Variants in SRD5A1 observed in about 807,000 individuals in gnomAD.
SRD5A1 encodes steroid 5 alpha-reductase 1.
In SRD5A1, 22 loss-of-function variants were observed where a neutral mutation model predicts 28.2. That is an observed-to-expected ratio of 0.78 (90% CI 0.56 to 1.12). The LOEUF is 1.12. SRD5A1 is among the 50% of genes most tolerant of loss of function. The probability of loss-of-function intolerance (pLI) is 0.00; values close to 1 mark genes in which losing one functional copy is unlikely to be tolerated. For synonymous variants in SRD5A1, 151 were observed against 135.0 expected, an observed-to-expected ratio of 1.12 and a Z score of -0.82; for missense variants, 300 against 346.7, an observed-to-expected ratio of 0.87 and a Z score of 1.07.
At chr5:6,654,421 T>C (rs1379305268) in intron 2 of SRD5A1, among the ~76,000 whole-genome samples, 3 of 143,274 alleles carry the variant, frequency 2.1e-5, no homozygotes, top group Non-Finnish European at 4.5e-5. Flanking sequence ...TATAGAAAGA[T>C]TTTAAGTTTT....
At chr5:6,650,375 C>T (rs1025829822) in intron 1 of SRD5A1, among the ~76,000 whole-genome samples, 15 of 149,978 alleles carry the variant, frequency 1.0e-4, no homozygotes, top group Admixed American at 4.0e-4. Flanking sequence ...TGCCCCACTG[C>T]ACTCTAGCCT....
chr5:6,642,631 A>G (rs1738398747), intron 1 of SRD5A1, among the ~76,000 whole-genome samples: 1 of 152,236 alleles, frequency 6.6e-6, no homozygotes, highest in Non-Finnish European at 1.5e-5. Flanking sequence ...TGACTTTAAC[A>G]CAGTATGAGT....
intron 1 of SRD5A1, among the ~76,000 whole-genome samples, chr5:6,637,577 G>T (rs1346246617): frequency 6.6e-6 from 1 of 152,192 alleles, no homozygotes; most frequent in African/African-American, 2.4e-5. Flanking sequence ...AACCCAGGCT[G>T]CTTTGCTCAT....
chr5:6,673,638 T>C lies in SRD5A1; in HGVS notation c.*5370T>C, dbSNP rs1249230964. On this transcript the variant is annotated 3_prime_UTR_variant, in exon 5 of 5. Coordinates refer to ENST00000274192, the MANE Select transcript of SRD5A1 (RefSeq NM_001047.4). Reference sequence around the variant, plus strand: ...CACAGAAAACCTGCACATGAATGTTTATAGCAGCTTTACTCAAAATTGCCA... The same window carrying C: ...CACAGAAAACCTGCACATGAATGTTCATAGCAGCTTTACTCAAAATTGCCA... 1.3e-5 allele frequency: 2 copies of C among 152,256 alleles called. No homozygotes were observed. The highest frequency in any genetic ancestry group is 2.9e-5 in the Non-Finnish European group (2 of 68,042). 9.4% of individuals were successfully genotyped at this position (152,256 alleles called of 1,614,324 possible).
At chr5:6,657,933 A>G (rs898474999) in intron 3 of SRD5A1, among the ~76,000 whole-genome samples, 12 of 152,274 alleles carry the variant, frequency 7.9e-5, no homozygotes, top group African/African-American at 2.9e-4. Context: ...TGCAGTCATA[A>G]CATTAGGACA....
chr5:6,660,480 A>T (rs778550495), intron 3 of SRD5A1, among the ~76,000 whole-genome samples: 8 of 152,234 alleles, frequency 5.3e-5, no homozygotes, highest in Non-Finnish European at 1.2e-4. Flanking sequence ...CAGGGCTCTG[A>T]TGAAATACAG....
At chr5:6,652,652 A>C (rs758951285) in intron 2 of SRD5A1, among the ~76,000 whole-genome samples, 30 of 152,224 alleles carry the variant, frequency 2.0e-4, no homozygotes, top group Admixed American at 3.3e-4. Flanking sequence ...TGGGCAGATG[A>C]CTTGAATCCA....
chr5:6,659,136 C>T (rs2434527), intron 3 of SRD5A1, among the ~76,000 whole-genome samples: 150,276 of 150,320 alleles, frequency 1, 75,116 homozygotes, highest in Middle Eastern at 1. Context: ...TTTTTTGAGA[C>T]GGGGTCTCGC....
intron 2 of SRD5A1, among the ~76,000 whole-genome samples, chr5:6,652,855 CAG>C (rs1738718463): frequency 8.5e-6 from 1 of 118,340 alleles, no homozygotes; most frequent in Non-Finnish European, 1.6e-5. Context: ...GCCTGGGTGA[CAG>C]AGTGAGACTC....
rs1739056133 is a variant in SRD5A1 at position 6,662,945 on chromosome 5, G to A, written c.692G>A (p.Gly231Asp). 6.2e-7 allele frequency: 1 copy of A among 1,614,064 alleles called. No homozygotes were observed. Among genetic ancestry groups the A allele is most frequent in the African/African-American group, 1.3e-5 (1 of 74,922 alleles). ...TTCTTCACGTTTTGTTTTTTATCTG[G>A]TAGAGCAAAAGAGCATCATGAGTAA... ...FAFFTFCFLS[G>D]RAKEHHEWYL... Residue 231 changes from glycine to aspartate, a missense_variant, in exon 4 of 5, where the codon GGT becomes GAT. Transcript: ENST00000274192.
intron 4 of SRD5A1, among the ~76,000 whole-genome samples, chr5:6,665,163 C>A (rs944817813): frequency 6.6e-6 from 1 of 152,170 alleles, no homozygotes; most frequent in African/African-American, 2.4e-5. Flanking sequence ...GACACAGAGG[C>A]GGGGGCGATG....
intron 2 of SRD5A1, among the ~76,000 whole-genome samples, chr5:6,654,972 A>G (rs1468163952): frequency 6.6e-6 from 1 of 152,244 alleles, no homozygotes; most frequent in Non-Finnish European, 1.5e-5. Flanking sequence ...GATCCAATAA[A>G]TGACTTACAA....
rs1739425019 is a variant in SRD5A1 at position 6,673,637 on chromosome 5, T to G, written c.*5369T>G. On this transcript the variant is annotated 3_prime_UTR_variant, in exon 5 of 5. Coordinates refer to ENST00000274192, the MANE Select transcript of SRD5A1 (RefSeq NM_001047.4). ...ACACAGAAAACCTGCACATGAATGT[T>G]TATAGCAGCTTTACTCAAAATTGCC... is the stretch of plus-strand genomic sequence containing the variant. 1 of 152,220 alleles carries G rather than the reference T, an allele frequency of 6.6e-6. No homozygotes were observed. Among genetic ancestry groups the G allele is most frequent in the Non-Finnish European group, 1.5e-5 (1 of 68,042 alleles). The allele number at this position is 152,220 out of a possible 1,614,324, so 9.4% of individuals were successfully genotyped here.
intron 4 of SRD5A1, among the ~76,000 whole-genome samples, chr5:6,664,673 T>C (rs1739108687): frequency 6.6e-6 from 1 of 152,246 alleles, no homozygotes; most frequent in Non-Finnish European, 1.5e-5. Flanking sequence ...CCTGAAGTGC[T>C]AGGATTCGAG....
At chr5:6,656,683 C>T (rs1579409259) in intron 3 of SRD5A1, among the ~76,000 whole-genome samples, 2 of 152,272 alleles carry the variant, frequency 1.3e-5, no homozygotes, top group South Asian at 4.1e-4. Context: ...TGGTTTATAA[C>T]CCAGATTCGC....
rs1424129304 is a variant in SRD5A1 at position 6,633,837 on chromosome 5, C to T, written c.261C>T (p.Leu87=). 1.3e-6 allele frequency: 2 copies of T among 1,597,598 alleles called. No individual in the cohort carries two copies. The highest frequency in any genetic ancestry group is 2.7e-5 in the African/African-American group (2 of 74,854). Residue 87 remains leucine, a synonymous_variant, in exon 1 of 5, where the codon CTC becomes CTT. Transcript: ENST00000274192. ...PRLRSAPNCI[L]LAMFLVHYGH... is the part of the protein sequence containing the mutation. ...TCCGCAGCGCGCCCAACTGCATCCT[C>T]CTGGCCATGTTCCTCGTCCACTACG...
intron 3 of SRD5A1, among the ~76,000 whole-genome samples, chr5:6,657,108 A>G (rs1308019676): frequency 1.3e-5 from 2 of 152,264 alleles, no homozygotes; most frequent in East Asian, 3.8e-4. Context: ...AGGGCGTGAC[A>G]TCACTTAGTT....
intron 1 of SRD5A1, among the ~76,000 whole-genome samples, chr5:6,639,191 A>T (rs1009047590): frequency 1.3e-5 from 2 of 152,244 alleles, no homozygotes; most frequent in African/African-American, 4.8e-5. Context: ...TGTGTGAATT[A>T]AACAGGCATA....
chr5:6,663,831 G>C (rs1456412431), intron 4 of SRD5A1, among the ~76,000 whole-genome samples: 1 of 152,086 alleles, frequency 6.6e-6, no homozygotes, highest in Non-Finnish European at 1.5e-5. Context: ...CTGCACTCCA[G>C]CCTGGTTGAG....
Sources: gnomAD v4.1 joint callset for allele counts (sites outside exome capture counted in the v4.1 genomes callset) on GRCh38, gnomAD v4.1.1 for gene constraint, MANE v1.5 for transcripts, NCBI Gene and HGNC (gene_info 2026-07-23, HGNC 2026-07-21) for gene names.